The following PIEZO2 variants were observed in gnomAD, a reference collection of about 807,000 sequenced individuals.
PIEZO2 encodes piezo type mechanosensitive ion channel component 2.
In PIEZO2, 172 loss-of-function variants were observed where a neutral mutation model predicts 337.3. The ratio of observed to expected loss-of-function variants is 0.51; its 90% CI spans 0.45 to 0.58. The LOEUF (loss-of-function observed/expected upper bound fraction) is 0.58, where lower values mean the gene tolerates loss of function less well. PIEZO2 is among the 20% of genes least tolerant of loss of function. PIEZO2 has a pLI of 0.00. For missense variants in PIEZO2, 3,028 were observed against 3,391.3 expected, an observed-to-expected ratio of 0.89 and a Z score of 2.66; for synonymous variants, 1,251 against 1,228.5, an observed-to-expected ratio of 1.02 and a Z score of -0.38.
At chr18:11,010,671 G>C (rs996207751) in intron 2 of PIEZO2, among the ~76,000 whole-genome samples, 1 of 152,192 alleles carries the variant, frequency 6.6e-6, no homozygotes, top group African/African-American at 2.4e-5. Flanking sequence ...GGGGGGCTCT[G>C]AGAAAATGGG....
intron 1 of PIEZO2, among the ~76,000 whole-genome samples, chr18:11,115,235 G>GCTACATTTGC (rs2039856361): frequency 6.6e-6 from 1 of 152,122 alleles, no homozygotes; most frequent in African/African-American, 2.4e-5. Flanking sequence ...AAATAAATAT[G>GCTACATTTGC]TTCATTTGCT....
At chr18:11,022,492 G>C (rs2036346976) in intron 2 of PIEZO2, among the ~76,000 whole-genome samples, 1 of 152,180 alleles carries the variant, frequency 6.6e-6, no homozygotes, top group African/African-American at 2.4e-5. Context: ...GGTGCTGGCA[G>C]GATTGGTTTC....
chr18:10,680,552 A>G (rs1187463793), intron 51 of PIEZO2, among the ~76,000 whole-genome samples, 181 bp from the exon 52 acceptor site: 4 of 152,354 alleles, frequency 2.6e-5, no homozygotes, highest in Middle Eastern at 3.4e-3. Context: ...ACCCACAGGT[A>G]TGGGCAGTTT....
rs1324549970 is a variant in PIEZO2 at position 11,111,735 on chromosome 18, G to A, written c.64+36790C>T. 1.3e-5 allele frequency among the ~76,000 whole-genome samples: 2 copies of A among 152,206 alleles called. No individual in the cohort carries two copies. Among genetic ancestry groups the A allele is most frequent in the Non-Finnish European group, 2.9e-5 (2 of 68,040 alleles). ...ACACCGTCACACCCTCGGGGAATCCGTAGCCAGGCACCAGTCTGCACCGAA... is the reference window on the plus strand; with the variant it reads ...ACACCGTCACACCCTCGGGGAATCCATAGCCAGGCACCAGTCTGCACCGAA... On this transcript the variant is annotated intron_variant, in intron 1 of 55. Transcript: ENST00000674853. This position sits in a 1 kb window ranked among gnomAD's most constrained non-coding sequence, Gnocchi z 6.2.
rs1180205922 is a variant in PIEZO2 at position 10,705,697 on chromosome 18, T to C, written c.5638A>G (p.Thr1880Ala). ...TGCTCAGCCTCCACCTCCTCGATGG[T>C]CTCAGTGGTCCCCTGGCGTGAGTAC... ...MLYSRQGTTE[T>A]IEEVEAEQEE... Residue 1880 changes from threonine to alanine, a missense_variant, in exon 41 of 56, where the codon ACC becomes GCC. Thr to Ala is a moderately conservative substitution (Grantham distance 58). This residue lies in a region of PIEZO2 where 1,925 missense variants were observed against 2,051.9 expected (regional missense o/e 0.94). Transcript: ENST00000674853. 5 of 1,536,508 alleles carry C rather than the reference T, an allele frequency of 3.3e-6. No individual in the cohort carries two copies. The African/African-American group carries it at 6.8e-5, about 21-fold the overall frequency.
chr18:10,941,341 T>C (rs1214155864), intron 3 of PIEZO2, among the ~76,000 whole-genome samples: 1 of 152,132 alleles, frequency 6.6e-6, no homozygotes, highest in Non-Finnish European at 1.5e-5. Context: ...TCTGAGATGA[T>C]TATCAATCCC....
In PIEZO2 at chr18:10,853,101, G is replaced by A. The variant is rs2041603462; in HGVS notation, c.917+2252C>T. Among the ~76,000 whole-genome samples the A allele has an allele frequency of 6.6e-6, 1 of 152,130 alleles. No homozygotes were observed. The highest frequency in any genetic ancestry group is 2.1e-4 in the South Asian group (1 of 4,822). ...GGTACATGACCTTGTAGGAGCATTCGGTGAGGGAAGAGCACTTCAAGTGAG... is the reference window on the plus strand; with the variant it reads ...GGTACATGACCTTGTAGGAGCATTCAGTGAGGGAAGAGCACTTCAAGTGAG... On this transcript the variant is annotated intron_variant, in intron 7 of 55. Transcript: ENST00000674853. The surrounding 1 kb of genome is among the most constrained non-coding windows in gnomAD (Gnocchi z 4.2).
rs2038340030 is a variant in PIEZO2, at chr18:10,766,049, A to G, written c.2947-2951T>C. 1.3e-5 allele frequency among the ~76,000 whole-genome samples: 2 copies of G among 152,136 alleles called. No individual in the cohort carries two copies. Among genetic ancestry groups the G allele is most frequent in the Admixed American group, 1.3e-4 (2 of 15,266 alleles). On this transcript the variant is annotated intron_variant, in intron 21 of 55. Coordinates refer to ENST00000674853, the MANE Select transcript of PIEZO2 (RefSeq NM_001378183.1). This position sits in a 1 kb window ranked among gnomAD's most constrained non-coding sequence, Gnocchi z 6.1. Reference sequence around the variant, plus strand: ...TATTTTTATTTTTATCATTTTACAAATAGAAAAACTGGGGCTCAGTGAATG... The same window carrying G: ...TATTTTTATTTTTATCATTTTACAAGTAGAAAAACTGGGGCTCAGTGAATG...
At chr18:11,145,248 A>G (rs2040779137) in intron 1 of PIEZO2, among the ~76,000 whole-genome samples, 1 of 152,190 alleles carries the variant, frequency 6.6e-6, no homozygotes, top group South Asian at 2.1e-4. Context: ...TAAATAACAT[A>G]TTCTATTATG....
Position 10,757,989 on chromosome 18 carries a change from C to A in PIEZO2, c.3903G>T (p.Val1301=), listed in dbSNP as rs111995856. The A allele has an allele frequency of 4.8e-5, 73 of 1,535,814 alleles. No individual in the cohort carries two copies. In the African/African-American group the frequency reaches 9.2e-4, roughly 19 times the overall value. Reference sequence around the variant, plus strand: ...GTTACCTGCAGTGAATAAAATCTGGCACAGGGTTATGTTGGCTGAAGGAGG... The same window carrying A: ...GTTACCTGCAGTGAATAAAATCTGGAACAGGGTTATGTTGGCTGAAGGAGG... The part of the protein sequence containing the change: ...DAASFSQHNP[V]PDFIHCRSYL... The change falls in exon 27 of 56, where the codon GTG becomes GTT. Residue 1301 remains valine (V), a synonymous_variant. Coordinates refer to ENST00000674853, the MANE Select transcript of PIEZO2 (RefSeq NM_001378183.1).
chr18:10,752,074 C>A (rs1427472134), intron 28 of PIEZO2, among the ~76,000 whole-genome samples: 2 of 152,204 alleles, frequency 1.3e-5, no homozygotes, highest in Non-Finnish European at 2.9e-5. Flanking sequence ...TCAGAGACAG[C>A]CAGACAGAAG....
chr18:11,146,946 C>T lies in PIEZO2; in HGVS notation c.64+1579G>A, dbSNP rs2040826414. Among the ~76,000 whole-genome samples, 1 of 152,160 alleles carries T rather than the reference C, an allele frequency of 6.6e-6. No homozygotes were observed. Among genetic ancestry groups the T allele is most frequent in the South Asian group, 2.1e-4 (1 of 4,826 alleles). On this transcript the variant is annotated intron_variant, in intron 1 of 55. Transcript: ENST00000674853. This position sits in a 1 kb window ranked among gnomAD's most constrained non-coding sequence, Gnocchi z 6.1. ...TAGTGCCACTCCCCAGGACCCCTCC[C>T]CGGTCTGCACTGAGGACCATAAATC...
intron 7 of PIEZO2, among the ~76,000 whole-genome samples, chr18:10,814,236 T>G (rs933777185): frequency 1.3e-5 from 2 of 152,282 alleles, no homozygotes; most frequent in East Asian, 1.9e-4. Flanking sequence ...CCCAAAGTGC[T>G]AGGATTACAG....
chr18:10,903,389 C>A lies in PIEZO2; in HGVS notation c.329+7797G>T, dbSNP rs80169309. 6.6e-6 allele frequency among the ~76,000 whole-genome samples: 1 copy of A among 152,158 alleles called. No individual in the cohort carries two copies. Among genetic ancestry groups the A allele is most frequent in the Non-Finnish European group, 1.5e-5 (1 of 68,032 alleles). ...ATTACTACTGAATAAGATTCAAGGC[C>A]AGGCACGGTGGCTCACGCCTGTAAT... On this transcript the variant is annotated intron_variant, in intron 4 of 55. Coordinates refer to ENST00000674853, the MANE Select transcript of PIEZO2 (RefSeq NM_001378183.1). The surrounding 1 kb of genome is among the most constrained non-coding windows in gnomAD (Gnocchi z 4.1).
In PIEZO2 at chr18:11,021,517, C is replaced by G. The variant is rs1247012193; in HGVS notation, c.161-41857G>C. On this transcript the variant is annotated intron_variant, in intron 2 of 55. Coordinates refer to ENST00000674853, the MANE Select transcript of PIEZO2 (RefSeq NM_001378183.1). This position sits in a 1 kb window ranked among gnomAD's most constrained non-coding sequence, Gnocchi z 4.7. ...AATTTGAGTTGAGTTTCTGAGCAGA[C>G]TCTCCTGCTTCAGCCGCCAATGGCG... is the stretch of plus-strand genomic sequence containing the variant. 6.6e-6 allele frequency among the ~76,000 whole-genome samples: 1 copy of G among 152,150 alleles called. No homozygotes were observed. Among genetic ancestry groups the G allele is most frequent in the East Asian group, 1.9e-4 (1 of 5,192 alleles).
rs771263608 is a variant in PIEZO2, at chr18:10,672,755, G to A, written c.8280C>T (p.Ala2760=). The A allele has an allele frequency of 2.5e-6, 4 of 1,614,044 alleles. No homozygotes were observed. In the African/African-American group the frequency reaches 4.0e-5, roughly 16 times the overall value. ...GNRIYNPNSQ[A]LELVVFNDKV... is the part of the protein sequence containing the mutation. ...TGTCATTGAAGACCACCAGTTCCAG[G>A]GCCTGAGAGTTCGGATTGTATATTC... Residue 2760 remains alanine, a synonymous_variant, in exon 55 of 56, where the codon GCC becomes GCT. Transcript: ENST00000674853. The surrounding 1 kb of genome is among the most constrained non-coding windows in gnomAD (Gnocchi z 4.7).
In PIEZO2 at chr18:10,759,793, C is replaced by T. The variant is rs2038046053; in HGVS notation, c.3567G>A (p.Glu1189=). The T allele has an allele frequency of 2.0e-6, 3 of 1,537,334 alleles. No individual in the cohort carries two copies. The highest frequency in any genetic ancestry group is 2.6e-6 in the Non-Finnish European group (3 of 1,146,932). ...LYRRRRKAIA[E]IWPKYCCFLA... Reference sequence around the variant, plus strand: ...GGAAGCAGCAGTACTTGGGCCAGATCTCTGCGATGGCTTTCCTTCTGCGTC... The same window carrying T: ...GGAAGCAGCAGTACTTGGGCCAGATTTCTGCGATGGCTTTCCTTCTGCGTC... Residue 1189 remains glutamate, a synonymous_variant, in exon 25 of 56, where the codon GAG becomes GAA. Transcript: ENST00000674853. The surrounding 1 kb of genome is among the most constrained non-coding windows in gnomAD (Gnocchi z 5.5).
intron 3 of PIEZO2, among the ~76,000 whole-genome samples, chr18:10,967,951 T>C (rs1025106251): frequency 6.6e-6 from 1 of 152,188 alleles, no homozygotes; most frequent in African/African-American, 2.4e-5. Flanking sequence ...AGAAGCTTTT[T>C]AGTTTAATTA....
rs1391834613 is a variant in PIEZO2, at chr18:11,047,560, CT to C, written c.160+18566del. On this transcript the variant is annotated intron_variant, in intron 2 of 55. Coordinates refer to ENST00000674853, the MANE Select transcript of PIEZO2 (RefSeq NM_001378183.1). This position sits in a 1 kb window ranked among gnomAD's most constrained non-coding sequence, Gnocchi z 7.2. ...AGGCAAAGCTTGGATAAGGCAGATCCTTTTAGCAGAAAACAGTTCCCAGAAC... is the reference window on the plus strand; with the variant it reads ...AGGCAAAGCTTGGATAAGGCAGATCCTTTAGCAGAAAACAGTTCCCAGAAC... 3.3e-5 allele frequency among the ~76,000 whole-genome samples: 5 copies of C among 152,144 alleles called. No homozygotes were observed. The highest frequency in any genetic ancestry group is 7.3e-5 in the Non-Finnish European group (5 of 68,044).
Sources: gnomAD v4.1 joint callset for allele counts (sites outside exome capture counted in the v4.1 genomes callset) on GRCh38, gnomAD v4.1.1 for gene constraint, gnomAD v4.1.1 regional missense constraint, Gnocchi (gnomAD v3.1) non-coding constraint, MANE v1.5 for transcripts, NCBI Gene and HGNC (gene_info 2026-07-23, HGNC 2026-07-21) for gene names.